Variants in PTPN3 observed in about 807,000 individuals in gnomAD.
PTPN3 encodes the protein protein tyrosine phosphatase non-receptor type 3, also known as tyrosine-protein phosphatase non-receptor type 3.
PTPN3 carries 96 observed loss-of-function variants against 132.7 expected under a neutral mutation model. The ratio of observed to expected loss-of-function variants is 0.72; its 90% CI spans 0.61 to 0.86. The LOEUF is 0.86. Among genes scored for constraint, PTPN3 ranks in the 40% least tolerant of loss-of-function variants. The probability of loss-of-function intolerance (pLI) is 0.00; values close to 1 mark genes in which losing one functional copy is unlikely to be tolerated. For synonymous variants in PTPN3, 398 were observed against 429.0 expected (o/e 0.93, Z 0.89); for missense variants, 1,125 against 1,159.6 (o/e 0.97, Z 0.43).
In PTPN3 at chr9:109,410,291, C is replaced by G; in HGVS notation, c.1438G>C (p.Asp480His). Residue 480 changes from aspartate (D) to histidine (H), a missense_variant, in exon 15 of 26, where the codon GAC becomes CAC. Transcript: ENST00000374541. Reference sequence around the variant, plus strand: ...CCCCCTTTGGTCACCCTGTGGAAGTCATCTAAGAGCTGCTGATCAACGCCG... The same window carrying G: ...CCCCCTTTGGTCACCCTGTGGAAGTGATCTAAGAGCTGCTGATCAACGCCG... Reference protein sequence around the residue: ...PDGVDQQLLDDFHRVTKGGST... With the variant: ...PDGVDQQLLDHFHRVTKGGST... 2.5e-6 allele frequency: 4 copies of G among 1,614,170 alleles called. No individual in the cohort carries two copies. The highest frequency in any genetic ancestry group is 3.4e-6 in the Non-Finnish European group (4 of 1,180,034).
At chr9:109,506,766 C>G in the PTPN3 span, among the ~76,000 whole-genome samples, 1 of 151,968 alleles carries the variant, frequency 6.6e-6, no homozygotes, top group Non-Finnish European at 1.5e-5. Context: ...CAAGACTTGG[C>G]TGATTTTTGT....
At chr9:109,483,717 T>C (rs1489378455) in intron 1 of PTPN3, among the ~76,000 whole-genome samples, 1 of 152,106 alleles carries the variant, frequency 6.6e-6, no homozygotes, top group Non-Finnish European at 1.5e-5. Flanking sequence ...TCACCCACAA[T>C]CTGATTCCAA....
At chr9:109,461,088 G>A (rs1845824989) in intron 2 of PTPN3, among the ~76,000 whole-genome samples, 1 of 152,194 alleles carries the variant, frequency 6.6e-6, no homozygotes, top group South Asian at 2.1e-4. Flanking sequence ...TGACCTTCAT[G>A]GAGCTTGTGT....
upstream of PTPN3, among the ~76,000 whole-genome samples, chr9:109,499,759 G>C (rs1036083977): frequency 3.9e-5 from 6 of 152,190 alleles, no homozygotes; most frequent in Admixed American, 1.3e-4. Context: ...CGCACGTCCC[G>C]GGATAGCGCC....
chr9:109,391,504 A>C lies in PTPN3; in HGVS notation c.2011T>G (p.Leu671Val), dbSNP rs766460015. The change falls in exon 20 of 26, where the codon TTG (leucine) becomes GTG (valine). Residue 671 changes from leucine to valine, a missense_variant. Transcript: ENST00000374541. ...AITFAKLPQN[L>V]DKNRYKDVLP... Reference sequence around the variant, plus strand: ...ACATCTTTATATCGGTTTTTGTCCAAATTTTGAGGCAGCTTTGCAAACGTG... The same window carrying C: ...ACATCTTTATATCGGTTTTTGTCCACATTTTGAGGCAGCTTTGCAAACGTG... 1 of 1,614,038 alleles carries C rather than the reference A, an allele frequency of 6.2e-7. No individual in the cohort carries two copies. Among genetic ancestry groups the C allele is most frequent in the African/African-American group, 1.3e-5 (1 of 75,046 alleles).
chr9:109,436,712 T>C (rs961748628), intron 9 of PTPN3, among the ~76,000 whole-genome samples, 171 bp downstream of exon 9: 1 of 152,058 alleles, frequency 6.6e-6, no homozygotes, highest in Non-Finnish European at 1.5e-5. Context: ...AAAAAAGCAA[T>C]TGGACAAATG....
At chr9:109,424,741 C>A (rs1843120124) in intron 12 of PTPN3, among the ~76,000 whole-genome samples, 2 of 152,214 alleles carry the variant, frequency 1.3e-5, no homozygotes, top group African/African-American at 4.8e-5. Flanking sequence ...CCACACAGAG[C>A]AGAAGAGGCC....
Position 109,382,490 on chromosome 9 carries a change from G to T in PTPN3, c.2383-43C>A, listed in dbSNP as rs1839193458. 1.9e-6 allele frequency: 3 copies of T among 1,609,324 alleles called. No homozygotes were observed. In the African/African-American group the frequency reaches 4.0e-5, roughly 22 times the overall value. Reference sequence around the variant, plus strand: ...GCCTTGGTGAGCCCATCCAGGTGGTGAGCATGAGGACCCAGCCCCAACCCA... The same window carrying T: ...GCCTTGGTGAGCCCATCCAGGTGGTTAGCATGAGGACCCAGCCCCAACCCA... On this transcript the variant is annotated intron_variant, in intron 23 of 25. Transcript: ENST00000374541.
chr9:109,444,933 C>A (rs1013711577), intron 7 of PTPN3, among the ~76,000 whole-genome samples: 5 of 152,224 alleles, frequency 3.3e-5, no homozygotes. Context: ...GATCAAATGC[C>A]TGAGCAAAGT....
Position 109,454,519 on chromosome 9 carries a change from G to A in PTPN3, c.345C>T (p.Asn115=). The change falls in exon 5 of 26, where the codon AAC becomes AAT. Residue 115 remains asparagine, a synonymous_variant. Transcript: ENST00000374541. ...FRVRFFIPDP[N]TLQQEQTRHL... ...ACCTGGTTTGTTCTTGCTGCAGTGT[G>A]TTGGGATCAGGTATAAAAAATCTTA... The A allele has an allele frequency of 1.2e-6, 2 of 1,613,412 alleles. No individual in the cohort carries two copies.
chr9:109,415,509 G>C (rs760865193), intron 14 of PTPN3, among the ~76,000 whole-genome samples: 1 of 152,230 alleles, frequency 6.6e-6, no homozygotes, highest in Non-Finnish European at 1.5e-5. Flanking sequence ...ATTTAAGCAG[G>C]AAGTGACATT....
chr9:109,439,856 C>G (rs1466356062), intron 7 of PTPN3, among the ~76,000 whole-genome samples: 1 of 151,860 alleles, frequency 6.6e-6, no homozygotes, highest in African/African-American at 2.4e-5. Flanking sequence ...TTGCAGTGAA[C>G]CGAGACTGAG....
intron 2 of PTPN3, among the ~76,000 whole-genome samples, chr9:109,457,992 C>T (rs1008847821): frequency 1.3e-5 from 2 of 152,228 alleles, no homozygotes; most frequent in East Asian, 1.9e-4. Flanking sequence ...CTGAGGGGCA[C>T]GTTCAACCAC....
chr9:109,411,452 C>T (rs1842072455), intron 14 of PTPN3, among the ~76,000 whole-genome samples: 1 of 152,158 alleles, frequency 6.6e-6, no homozygotes, highest in Admixed American at 6.5e-5. Context: ...TGTCACTGTA[C>T]AGGACAGGAC....
chr9:109,449,777 AG>A, intron 5 of PTPN3: 1 of 985,472 alleles, frequency 1.0e-6, no homozygotes. Flanking sequence ...AGAAGTGCAC[AG>A]GGGCAGGAGA....
At chr9:109,409,847 C>T in intron 16 of PTPN3, 152 bp downstream of exon 16, 3 of 1,363,040 alleles carry the variant, frequency 2.2e-6, no homozygotes, top group Non-Finnish European at 2.9e-6. Context: ...TCAAACCAAA[C>T]AAAAACAAAA....
At chr9:109,470,759 A>G (rs1470719542) in intron 1 of PTPN3, among the ~76,000 whole-genome samples, 4 of 152,114 alleles carry the variant, frequency 2.6e-5, no homozygotes, top group Non-Finnish European at 5.9e-5. Flanking sequence ...AAGCACTAAG[A>G]TGAGCTCAAA....
At chr9:109,510,998 C>G in the PTPN3 span, among the ~76,000 whole-genome samples, 1 of 151,770 alleles carries the variant, frequency 6.6e-6, no homozygotes, top group Non-Finnish European at 1.5e-5. Flanking sequence ...TAAAAAAATC[C>G]ATGTAATCAA....
At chr9:109,522,468 G>A in the PTPN3 span, among the ~76,000 whole-genome samples, 9 of 152,170 alleles carry the variant, frequency 5.9e-5, no homozygotes, top group Non-Finnish European at 1.0e-4. Context: ...TGACTAGCAC[G>A]CCTGATGCTG....
Sources: allele counts gnomAD v4.1 joint callset (sites outside exome capture counted in the v4.1 genomes callset), GRCh38; gene constraint gnomAD v4.1.1; transcripts MANE v1.5; gene names NCBI Gene and HGNC (gene_info 2026-07-23, HGNC 2026-07-21).